The following LRRTM4 variants were observed in gnomAD, a reference collection of about 807,000 sequenced individuals.
The protein encoded by LRRTM4 is leucine rich repeat transmembrane neuronal 4, also known as leucine-rich repeat transmembrane neuronal protein 4.
Under a neutral mutation model 47.6 loss-of-function variants are expected in LRRTM4, and 25 were observed. That is an observed-to-expected ratio of 0.53 (90% CI 0.38 to 0.73). The LOEUF (loss-of-function observed/expected upper bound fraction) is 0.73, where lower values mean the gene tolerates loss of function less well. LRRTM4 is among the 30% of genes least tolerant of loss of function. LRRTM4 has a pLI of 0.00. For missense variants in LRRTM4, 638 were observed against 713.4 expected (o/e 0.89, Z 1.20); for synonymous variants, 311 against 269.5 (o/e 1.15, Z -1.51).
intron 3 of LRRTM4, among the ~76,000 whole-genome samples, chr2:77,272,883 T>C (rs1040453807): frequency 2.6e-5 from 4 of 152,160 alleles, no homozygotes; most frequent in Non-Finnish European, 5.9e-5. Flanking sequence ...CATATTCCTT[T>C]ATAGCAATAC....
intron 3 of LRRTM4, among the ~76,000 whole-genome samples, chr2:77,257,309 C>CA (rs527480065): frequency 0.016 from 2,277 of 144,540 alleles, 54 homozygotes; most frequent in African/African-American, 0.051. Context: ...AAATCATCTA[C>CA]AAAAAAAAAA....
At chr2:76,966,467 T>C (rs575057918) in intron 3 of LRRTM4, among the ~76,000 whole-genome samples, 15 of 151,646 alleles carry the variant, frequency 9.9e-5, no homozygotes, top group African/African-American at 2.9e-4. Flanking sequence ...GAAACAAATA[T>C]TGAATCCTTT....
In LRRTM4 at chr2:77,149,313, GT is replaced by G. The variant is rs1338645429; in HGVS notation, c.1551+369004del. Among the ~76,000 whole-genome samples the G allele has an allele frequency of 2.5e-4, 38 of 151,240 alleles. 2 individuals are homozygous for G. Among genetic ancestry groups the G allele is most frequent in the Admixed American group, 1.1e-3 (17 of 15,174 alleles). On this transcript the variant is annotated intron_variant, in intron 3 of 3. Coordinates refer to ENST00000409884, the MANE Select transcript of LRRTM4 (RefSeq NM_001134745.3). ...TAAAATATTAAATTTTATTTTATCA[GT>G]TTTTTTTTAATTTGTATGTTGTTGC...
chr2:77,409,340 A>G (rs1373302182), intron 3 of LRRTM4, among the ~76,000 whole-genome samples: 8 of 152,180 alleles, frequency 5.3e-5, no homozygotes, highest in Admixed American at 5.2e-4. Flanking sequence ...TCCAACACCA[A>G]GTCAGCAGCA....
At chr2:77,205,569 G>A (rs970219067) in intron 3 of LRRTM4, among the ~76,000 whole-genome samples, 1 of 152,096 alleles carries the variant, frequency 6.6e-6, no homozygotes, top group Non-Finnish European at 1.5e-5. Context: ...GGAGAGCTAC[G>A]GAGGCCAGAG....
chr2:77,353,123 A>G (rs1460464276), intron 3 of LRRTM4, among the ~76,000 whole-genome samples: 1 of 152,140 alleles, frequency 6.6e-6, no homozygotes, highest in Non-Finnish European at 1.5e-5. Flanking sequence ...TTAAGGTAAG[A>G]TGTAGTAATA....
intron 3 of LRRTM4, among the ~76,000 whole-genome samples, chr2:77,374,499 G>C (rs1339236847): frequency 1.3e-5 from 2 of 151,800 alleles, no homozygotes; most frequent in African/African-American, 4.8e-5. Context: ...GAATGTGAGT[G>C]ATATCAATAT....
rs1573397499 is a variant in LRRTM4, at chr2:77,426,332, A to AC, written c.1551+91985dup. On this transcript the variant is annotated intron_variant, in intron 3 of 3. Coordinates refer to ENST00000409884, the MANE Select transcript of LRRTM4 (RefSeq NM_001134745.3). ...GAACCTAAATCATCTACATACATGT[A>AC]CCCCCCAGCTTCCCTGCAGTCCATT... Among the ~76,000 whole-genome samples the AC allele has an allele frequency of 4.6e-5, 7 of 152,032 alleles. No individual in the cohort carries two copies. In the South Asian group the frequency reaches 1.5e-3, roughly 32 times the overall value.
intron 3 of LRRTM4, among the ~76,000 whole-genome samples, chr2:77,003,417 C>T (rs767109339): frequency 6.6e-6 from 1 of 151,998 alleles, no homozygotes; most frequent in South Asian, 2.1e-4. Context: ...TAGGAGGGAC[C>T]TGGTGGGAGG....
At chr2:77,220,196 A>T (rs1243569211) in intron 3 of LRRTM4, among the ~76,000 whole-genome samples, 1 of 152,136 alleles carries the variant, frequency 6.6e-6, no homozygotes, top group Non-Finnish European at 1.5e-5. Flanking sequence ...CACACCAAAA[A>T]CCCATCTGTA....
intron 3 of LRRTM4, among the ~76,000 whole-genome samples, chr2:76,776,220 A>G (rs36130194): frequency 2.6e-5 from 4 of 152,114 alleles, no homozygotes; most frequent in South Asian, 4.1e-4. Context: ...ATAAACATAC[A>G]TGTGCATGTG....
intron 3 of LRRTM4, among the ~76,000 whole-genome samples, chr2:77,441,389 T>A (rs1573418809): frequency 6.6e-6 from 1 of 152,210 alleles, no homozygotes; most frequent in Admixed American, 6.5e-5. Flanking sequence ...GTTTTCCAGG[T>A]GTCGTGCCAA....
intron 3 of LRRTM4, among the ~76,000 whole-genome samples, chr2:77,157,159 A>G (rs767737112): frequency 3.3e-5 from 5 of 152,220 alleles, no homozygotes; most frequent in Non-Finnish European, 5.9e-5. Context: ...ACATTAATGC[A>G]TTAAAAGAGA....
rs113148804 is a variant in LRRTM4 at position 77,286,007 on chromosome 2, A to G, written c.1551+232311T>C. Among the ~76,000 whole-genome samples, 686 of 152,270 alleles carry G rather than the reference A, an allele frequency of 4.5e-3. 2 individuals carry two copies. Among genetic ancestry groups the G allele is most frequent in the African/African-American group, 0.016 (651 of 41,570 alleles). On this transcript the variant is annotated intron_variant, in intron 3 of 3. Transcript: ENST00000409884. ...AACTTTATCTTATACATAATTATAG[A>G]CATCAACCATATATTTTAAGGTGTG...
chr2:77,358,309 G>C (rs943267795), intron 3 of LRRTM4, among the ~76,000 whole-genome samples: 1 of 152,090 alleles, frequency 6.6e-6, no homozygotes, highest in Non-Finnish European at 1.5e-5. Context: ...AATGTTCCTA[G>C]GAGAGCAAAG....
intron 3 of LRRTM4, among the ~76,000 whole-genome samples, chr2:77,331,167 T>A (rs1670959804): frequency 6.6e-6 from 1 of 152,216 alleles, no homozygotes; most frequent in African/African-American, 2.4e-5. Context: ...CTTCTTATTC[T>A]ATTTTTCTAT....
chr2:76,877,792 A>G (rs182059937), intron 3 of LRRTM4, among the ~76,000 whole-genome samples: 7 of 152,300 alleles, frequency 4.6e-5, no homozygotes, highest in Non-Finnish European at 1.0e-4. Flanking sequence ...TGGAGTAAAA[A>G]GCTACAGGGA....
intron 3 of LRRTM4, among the ~76,000 whole-genome samples, chr2:77,468,049 AT>A (rs1488503669): frequency 1.3e-5 from 2 of 151,920 alleles, no homozygotes; most frequent in Non-Finnish European, 2.9e-5. Flanking sequence ...ATTTCATTAG[AT>A]TTTTTTCTCC....
chr2:77,254,854 T>A (rs1573150485), intron 3 of LRRTM4, among the ~76,000 whole-genome samples: 1 of 129,140 alleles, frequency 7.7e-6, no homozygotes, highest in Non-Finnish European at 1.7e-5. Context: ...CCTGCAGGAA[T>A]AGAAGTAAAA....
Sources: allele counts gnomAD v4.1 joint callset (sites outside exome capture counted in the v4.1 genomes callset), GRCh38; gene constraint gnomAD v4.1.1; transcripts MANE v1.5; gene names NCBI Gene and HGNC (gene_info 2026-07-23, HGNC 2026-07-21).